TENM2: variants seen among roughly 807,000 people sequenced by gnomAD.
TENM2 encodes the protein teneurin-2.
TENM2 carries 52 observed loss-of-function variants against 245.2 expected under a neutral mutation model. The ratio of observed to expected loss-of-function variants is 0.21; its 90% confidence interval spans 0.17 to 0.27. The LOEUF is 0.27. Among genes scored for constraint, TENM2 ranks in the 10% least tolerant of loss-of-function variants. TENM2 has a pLI of 1.00. For synonymous variants in TENM2, 1,363 were observed against 1,438.9 expected, an observed-to-expected ratio of 0.95 and a Z score of 1.19; for missense variants, 3,046 against 3,666.8, an observed-to-expected ratio of 0.83 and a Z score of 4.37.
intron 13 of TENM2, chr5:168,165,043 A>G (rs979341537): frequency 1.3e-5 from 2 of 152,168 alleles, no homozygotes; most frequent in Non-Finnish European, 2.9e-5. Context: ...TGCAGTTTCC[A>G]TAATTTATGA....
At chr5:168,054,898 G>T (rs1789409404) in intron 6 of TENM2, among the ~76,000 whole-genome samples, 1 of 152,162 alleles carries the variant, frequency 6.6e-6, no homozygotes. Flanking sequence ...AGATGAACTA[G>T]CCAGAACAAT....
intron 5 of TENM2, among the ~76,000 whole-genome samples, chr5:168,013,350 T>C (rs1166933403): frequency 6.6e-6 from 1 of 152,114 alleles, no homozygotes; most frequent in Non-Finnish European, 1.5e-5. Flanking sequence ...ACACCTGTAA[T>C]CCTAGCACTT....
intron 2 of TENM2, among the ~76,000 whole-genome samples, chr5:167,832,261 G>A (rs1202369103): frequency 6.6e-6 from 1 of 152,206 alleles, no homozygotes; most frequent in African/African-American, 2.4e-5. Flanking sequence ...ATGAGGTCAG[G>A]ACAATAAACC....
chr5:168,080,817 C>A (rs931831698), intron 7 of TENM2, among the ~76,000 whole-genome samples: 3 of 152,134 alleles, frequency 2.0e-5, no homozygotes, highest in African/African-American at 7.2e-5. Flanking sequence ...CATTTCTGTT[C>A]TTTTACATTT....
chr5:167,328,695 C>T (rs916621137), intron 1 of TENM2, among the ~76,000 whole-genome samples: 7 of 152,146 alleles, frequency 4.6e-5, no homozygotes, highest in Admixed American at 3.9e-4. Flanking sequence ...AATGCTCATT[C>T]CCTAGATAGA....
At chr5:167,725,268 A>G (rs1759916255) in intron 2 of TENM2, among the ~76,000 whole-genome samples, 2 of 152,068 alleles carry the variant, frequency 1.3e-5, no homozygotes, top group African/African-American at 2.4e-5. Context: ...TTTTTTTTTA[A>G]AGATGCTTTT....
At chr5:167,655,831 C>T (rs1466145568) in intron 2 of TENM2, among the ~76,000 whole-genome samples, 1 of 152,134 alleles carries the variant, frequency 6.6e-6, no homozygotes, top group African/African-American at 2.4e-5. Flanking sequence ...GTCTAAGACA[C>T]AAGTTTTAAA....
chr5:168,164,217 C>A (rs542066224), intron 13 of TENM2, among the ~76,000 whole-genome samples: 89 of 152,290 alleles, frequency 5.8e-4, no homozygotes, highest in African/African-American at 2.0e-3. Context: ...TGAGACCTGG[C>A]CTGCCACACT....
At chr5:167,394,377 A>G in intron 2 of TENM2, among the ~76,000 whole-genome samples, 1 of 152,074 alleles carries the variant, frequency 6.6e-6, no homozygotes, top group Middle Eastern at 3.2e-3. Context: ...TGAGGAGACT[A>G]TCCTTTCTTC....
At chr5:167,199,566 G>A in the TENM2 span, among the ~76,000 whole-genome samples, 1 of 152,072 alleles carries the variant, frequency 6.6e-6, no homozygotes, top group African/African-American at 2.4e-5. Flanking sequence ...GACTGCAGCT[G>A]CAGTGAATGC....
At chr5:167,561,610 C>T (rs538566677) in intron 2 of TENM2, among the ~76,000 whole-genome samples, 27 of 152,280 alleles carry the variant, frequency 1.8e-4, no homozygotes, top group African/African-American at 6.5e-4. Context: ...ATCAGAGATG[C>T]TGCAAGAGCT....
chr5:168,082,941 C>G (rs1056138883), intron 7 of TENM2, among the ~76,000 whole-genome samples: 4 of 152,178 alleles, frequency 2.6e-5, no homozygotes, highest in Non-Finnish European at 5.9e-5. Context: ...TCTCAGATCT[C>G]AAACTCCATG....
chr5:167,767,407 T>C (rs2150744990), intron 2 of TENM2, among the ~76,000 whole-genome samples: 1 of 152,336 alleles, frequency 6.6e-6, no homozygotes, highest in South Asian at 2.1e-4. Context: ...AATGATGGAC[T>C]GCAGGGTTAT....
At chr5:167,007,236 G>T in the TENM2 span, among the ~76,000 whole-genome samples, 1 of 152,042 alleles carries the variant, frequency 6.6e-6, no homozygotes, top group African/African-American at 2.4e-5. The surrounding 1 kb of genome is among the most constrained non-coding windows in gnomAD (Gnocchi z 4.2). Context: ...ATGCTTGCTT[G>T]CCTGTCAGTT....
At chr5:167,349,026 A>G (rs150218312) in intron 1 of TENM2, among the ~76,000 whole-genome samples, 1 of 152,346 alleles carries the variant, frequency 6.6e-6, no homozygotes, top group African/African-American at 2.4e-5. Flanking sequence ...ATTGAGGTAT[A>G]GTTTACAAAT....
chr5:167,884,653 C>T (rs1032035525), intron 3 of TENM2, among the ~76,000 whole-genome samples: 2 of 152,170 alleles, frequency 1.3e-5, no homozygotes, highest in Admixed American at 1.3e-4. Flanking sequence ...ATTCACTCCT[C>T]CCTTACTAGA....
intron 9 of TENM2, among the ~76,000 whole-genome samples, chr5:168,104,800 A>G (rs1252653706): frequency 6.6e-6 from 1 of 151,894 alleles, no homozygotes; most frequent in African/African-American, 2.4e-5. Context: ...AATGAAACTG[A>G]CCTGCCATGG....
At chr5:167,541,933 A>G (rs1772236945) in intron 2 of TENM2, among the ~76,000 whole-genome samples, 1 of 152,200 alleles carries the variant, frequency 6.6e-6, no homozygotes, top group Admixed American at 6.5e-5. Flanking sequence ...GGGCAGAACA[A>G]GAAAAGCTAG....
intron 2 of TENM2, among the ~76,000 whole-genome samples, chr5:167,389,839 C>G (rs1335533986): frequency 1.3e-5 from 2 of 152,124 alleles, no homozygotes; most frequent in Non-Finnish European, 2.9e-5. Context: ...AATTACGGAT[C>G]GAAATATTTT....
Sources: gnomAD v4.1 joint callset for allele counts (sites outside exome capture counted in the v4.1 genomes callset) on GRCh38, gnomAD v4.1.1 for gene constraint, Gnocchi (gnomAD v3.1) non-coding constraint, MANE v1.5 for transcripts, NCBI Gene and HGNC (gene_info 2026-07-23, HGNC 2026-07-21) for gene names.